Variants in MXI1 observed in about 807,000 individuals in gnomAD.
MXI1 encodes max-interacting protein 1.
A neutral mutation model predicts 36.9 loss-of-function variants in MXI1; 18 were observed. That is an observed-to-expected ratio of 0.49 (90% confidence interval 0.34 to 0.72). The LOEUF (loss-of-function observed/expected upper bound fraction) is 0.72, where lower values mean the gene tolerates loss of function less well. MXI1 is among the 30% of genes least tolerant of loss of function. MXI1 has a pLI of 0.01. For missense variants in MXI1, 304 were observed against 379.1 expected (o/e 0.80, Z 1.64); for synonymous variants, 160 against 146.7 (o/e 1.09, Z -0.65).
intron 3 of MXI1, among the ~76,000 whole-genome samples, chr10:110,267,248 A>C (rs900639928): frequency 1.3e-5 from 2 of 152,256 alleles, no homozygotes; most frequent in African/African-American, 4.8e-5. Context: ...ACCCCAATAA[A>C]AAATAGAAAT....
intron 2 of MXI1, among the ~76,000 whole-genome samples, chr10:110,234,522 A>G (rs1314287259): frequency 3.3e-5 from 5 of 152,054 alleles, no homozygotes; most frequent in Admixed American, 1.3e-4. Context: ...ATTATTATTA[A>G]TATACTCAGC....
intron 3 of MXI1, among the ~76,000 whole-genome samples, chr10:110,274,872 AT>A (rs66570053): frequency 0.042 from 4,605 of 109,898 alleles, 160 homozygotes; most frequent in East Asian, 0.24. Context: ...GTGAATAAGG[AT>A]TTTTTTTTTT....
At chr10:110,214,620 T>TCCCTA (rs1854583473) in intron 1 of MXI1, among the ~76,000 whole-genome samples, 1 of 144,314 alleles carries the variant, frequency 6.9e-6, no homozygotes, top group African/African-American at 2.6e-5. Flanking sequence ...TCCCCCTGCC[T>TCCCTA]CCCTACCCCA....
At chr10:110,225,200 G>A (rs1339245302) in intron 1 of MXI1, among the ~76,000 whole-genome samples, 1 of 152,128 alleles carries the variant, frequency 6.6e-6, no homozygotes, top group Non-Finnish European at 1.5e-5. Context: ...CGCCCTCAAC[G>A]CCGTGGATAT....
chr10:110,260,160 A>G (rs1313386407), intron 3 of MXI1, among the ~76,000 whole-genome samples: 4 of 152,074 alleles, frequency 2.6e-5, no homozygotes, highest in Non-Finnish European at 5.9e-5. Context: ...TGACATGAGT[A>G]TCGTACCAGA....
chr10:110,221,365 A>G (rs1047594282), intron 1 of MXI1, among the ~76,000 whole-genome samples: 9 of 152,206 alleles, frequency 5.9e-5, no homozygotes, highest in African/African-American at 2.2e-4. Flanking sequence ...ACAAACTTCT[A>G]TGACATAAAC....
intron 3 of MXI1, among the ~76,000 whole-genome samples, chr10:110,275,459 C>T (rs1856994160): frequency 6.6e-6 from 1 of 152,118 alleles, no homozygotes; most frequent in South Asian, 2.1e-4. Context: ...AATAATTTTG[C>T]CATACAATTG....
chr10:110,254,054 A>G (rs1856195936), intron 3 of MXI1, among the ~76,000 whole-genome samples: 2 of 152,014 alleles, frequency 1.3e-5, no homozygotes, highest in Non-Finnish European at 2.9e-5. Context: ...AAGTAAAACC[A>G]TTTCTGCTTG....
chr10:110,234,402 G>GT (rs1207537912), intron 2 of MXI1, among the ~76,000 whole-genome samples: 1 of 151,978 alleles, frequency 6.6e-6, no homozygotes, highest in Admixed American at 6.6e-5. Flanking sequence ...TTGTTAGATT[G>GT]TTTTTTTGTT....
chr10:110,236,098 G>A lies in MXI1; in HGVS notation c.407+7777G>A, dbSNP rs906046941. Among the ~76,000 whole-genome samples the A allele has an allele frequency of 1.1e-3, 144 of 127,018 alleles. 1 individual carries two copies. The highest frequency in any genetic ancestry group is 1.8e-4 in the Non-Finnish European group (11 of 62,278). 83.3% of individuals were successfully genotyped at this position (127,018 alleles called of 152,430 possible). A position where few individuals can be genotyped will look rare whatever the true frequency, so the allele number is the denominator to read the frequency against. Reference sequence around the variant, plus strand: ...AATTCATTTAGAGTTAATTTTTGTAGAGGGTGTGAAGTAAAGGTTGAAGTT... The same window carrying A: ...AATTCATTTAGAGTTAATTTTTGTAAAGGGTGTGAAGTAAAGGTTGAAGTT... On this transcript the variant is annotated intron_variant, in intron 2 of 5. Transcript: ENST00000332674.
At chr10:110,243,515 C>G (rs1855748689) in intron 2 of MXI1, among the ~76,000 whole-genome samples, 1 of 151,976 alleles carries the variant, frequency 6.6e-6, no homozygotes. Flanking sequence ...TATTAAATAT[C>G]CATTGAAATA....
intron 1 of MXI1, among the ~76,000 whole-genome samples, chr10:110,211,109 G>A (rs1167859544): frequency 6.6e-6 from 1 of 150,402 alleles, no homozygotes; most frequent in Non-Finnish European, 1.5e-5. Flanking sequence ...ACTGCAAAAG[G>A]GCATCGTTGG....
At chr10:110,240,214 A>G (rs1855621728) in intron 2 of MXI1, among the ~76,000 whole-genome samples, 1 of 152,102 alleles carries the variant, frequency 6.6e-6, no homozygotes, top group Non-Finnish European at 1.5e-5. Flanking sequence ...GAATAGTTCT[A>G]TACAAGCATT....
chr10:110,215,043 G>GTTTTT (rs200181611), intron 1 of MXI1, among the ~76,000 whole-genome samples: 1 of 78,906 alleles, frequency 1.3e-5, no homozygotes, highest in African/African-American at 6.0e-5. Context: ...TTTTTTTTTT[G>GTTTTT]TTTTTTTTTT....
intron 1 of MXI1, among the ~76,000 whole-genome samples, chr10:110,216,705 G>A (rs1854655294): frequency 2.1e-5 from 1 of 48,684 alleles, no homozygotes; most frequent in Non-Finnish European, 2.8e-5. Flanking sequence ...GTCTTGCTCT[G>A]TTACCCAGGC....
At chr10:110,272,702 T>C (rs1856893539) in intron 3 of MXI1, among the ~76,000 whole-genome samples, 1 of 151,328 alleles carries the variant, frequency 6.6e-6, no homozygotes, top group Non-Finnish European at 1.5e-5. Flanking sequence ...TATTATATTA[T>C]ATATTATATG....
chr10:110,266,791 TCTTGTGC>T (rs1375630373), intron 3 of MXI1, among the ~76,000 whole-genome samples: 6 of 152,196 alleles, frequency 3.9e-5, no homozygotes, highest in African/African-American at 1.4e-4. Flanking sequence ...GCATGGGAAA[TCTTGTGC>T]CTTTTAAAAC....
chr10:110,211,462 C>G (rs778793095), intron 1 of MXI1, among the ~76,000 whole-genome samples: 6 of 152,316 alleles, frequency 3.9e-5, no homozygotes, highest in Non-Finnish European at 7.4e-5. Context: ...TGTCGGGCCC[C>G]GATTCTCCAT....
intron 3 of MXI1, among the ~76,000 whole-genome samples, chr10:110,260,752 C>G (rs891957134): frequency 6.6e-6 from 1 of 151,966 alleles, no homozygotes; most frequent in Non-Finnish European, 1.5e-5. Flanking sequence ...TGTACACATA[C>G]ACACACTCAT....
Sources: allele counts gnomAD v4.1 joint callset (sites outside exome capture counted in the v4.1 genomes callset), GRCh38; gene constraint gnomAD v4.1.1; transcripts MANE v1.5; gene names NCBI Gene and HGNC (gene_info 2026-07-23, HGNC 2026-07-21).